ZBTB16: variants seen among roughly 807,000 people sequenced by gnomAD.
ZBTB16 encodes the protein zinc finger and BTB domain-containing protein 16.
A neutral mutation model predicts 56.8 loss-of-function variants in ZBTB16; 8 were observed. That is an observed-to-expected ratio of 0.14 (90% CI 0.08 to 0.25). ZBTB16 has a LOEUF of 0.25. Ranked by LOEUF, ZBTB16 falls within the 10% of genes least tolerant of loss-of-function variation. The pLI is 1.00. For synonymous variants in ZBTB16, 363 were observed against 368.5 expected (o/e 0.98, Z 0.17); for missense variants, 625 against 903.0 (o/e 0.69, Z 3.95).
chr11:114,118,412 A>G (rs1941242978), intron 2 of ZBTB16, among the ~76,000 whole-genome samples: 1 of 152,118 alleles, frequency 6.6e-6, no homozygotes, highest in Admixed American at 6.5e-5. Flanking sequence ...CCTGGCCTCA[A>G]GTGATCTGCT....
chr11:114,065,084 G>T (rs1939062067), intron 2 of ZBTB16, among the ~76,000 whole-genome samples: 1 of 152,208 alleles, frequency 6.6e-6, no homozygotes, highest in Non-Finnish European at 1.5e-5. Context: ...TGCAGGTTCT[G>T]AACCTTATTC....
chr11:114,076,853 T>C (rs1939586136), intron 2 of ZBTB16, among the ~76,000 whole-genome samples: 3 of 151,924 alleles, frequency 2.0e-5, no homozygotes, highest in Admixed American at 2.0e-4. Context: ...CCCGCGCCTT[T>C]CCCCCCTTCA....
intron 2 of ZBTB16, among the ~76,000 whole-genome samples, chr11:114,117,110 A>G (rs1157818922): frequency 6.6e-6 from 1 of 152,166 alleles, no homozygotes; most frequent in Non-Finnish European, 1.5e-5. Context: ...CCAGAGGGAA[A>G]GGCATTCCAG....
At chr11:114,168,998 G>C (rs527618851) in intron 3 of ZBTB16, among the ~76,000 whole-genome samples, 10 of 152,292 alleles carry the variant, frequency 6.6e-5, no homozygotes, top group Admixed American at 2.0e-4. Context: ...CCTTGCAGGA[G>C]GGTCTGTGGG....
At chr11:114,084,520 G>A (rs551865790) in intron 2 of ZBTB16, among the ~76,000 whole-genome samples, 3 of 152,220 alleles carry the variant, frequency 2.0e-5, no homozygotes, top group Non-Finnish European at 2.9e-5. Flanking sequence ...GGAGGAGGAG[G>A]GTTTTTTGAA....
At position 114,224,475 on chromosome 11, in the gene ZBTB16, C is replaced by T. The variant is rs140158481; in HGVS notation, c.1454-17692C>T. Among the ~76,000 whole-genome samples, 1,357 of 152,170 alleles carry T rather than the reference C, an allele frequency of 8.9e-3. 20 individuals are homozygous for T. The highest frequency in any genetic ancestry group is 9.5e-3 in the Non-Finnish European group (647 of 68,004). On this transcript the variant is annotated intron_variant, in intron 4 of 6. Transcript: ENST00000335953. ...TACAGTAGCAGGGTGTGCATGACAT[C>T]CAAAGGTAGGGTGTGCCTAGGAGGC... is the stretch of plus-strand genomic sequence containing the variant.
At chr11:114,148,402 TCCC>T (rs1942177866) in intron 2 of ZBTB16, among the ~76,000 whole-genome samples, 12 of 22,298 alleles carry the variant, frequency 5.4e-4, no homozygotes, top group African/African-American at 3.5e-3. Flanking sequence ...CTTCCCTCCC[TCCC>T]TCCCTCCCTC....
chr11:114,181,079 G>T (rs542532596), intron 3 of ZBTB16: 1 of 151,906 alleles, frequency 6.6e-6, no homozygotes, highest in East Asian at 1.9e-4. Flanking sequence ...ATGTGCACGT[G>T]TGGTACTGTG....
chr11:114,198,077 A>T (rs1943649068), intron 4 of ZBTB16, among the ~76,000 whole-genome samples: 1 of 152,086 alleles, frequency 6.6e-6, no homozygotes, highest in Admixed American at 6.5e-5. Context: ...GGTGGAGGGT[A>T]TCGGGGAGGA....
chr11:114,119,125 A>G (rs1451356634), intron 2 of ZBTB16, among the ~76,000 whole-genome samples: 2 of 151,628 alleles, frequency 1.3e-5, no homozygotes, highest in East Asian at 3.9e-4. Context: ...AATTAGCTGG[A>G]TGTGGTGGTG....
At chr11:114,128,346 G>A (rs1229964463) in intron 2 of ZBTB16, among the ~76,000 whole-genome samples, 3 of 152,190 alleles carry the variant, frequency 2.0e-5, no homozygotes, top group African/African-American at 7.2e-5. Flanking sequence ...GGATACGACA[G>A]CCACCCACTA....
At chr11:114,211,688 C>A (rs1944000812) in intron 4 of ZBTB16, among the ~76,000 whole-genome samples, 1 of 152,206 alleles carries the variant, frequency 6.6e-6, no homozygotes, top group African/African-American at 2.4e-5. Context: ...TCTGCCCTCA[C>A]CTTCTTTGCA....
chr11:114,133,770 A>C (rs1458704320), intron 2 of ZBTB16, among the ~76,000 whole-genome samples: 1 of 152,166 alleles, frequency 6.6e-6, no homozygotes, highest in Non-Finnish European at 1.5e-5. Context: ...GCATTGTGGC[A>C]CAGGTGTTCC....
intron 4 of ZBTB16, among the ~76,000 whole-genome samples, chr11:114,236,704 G>A (rs187941241): frequency 9.3e-4 from 142 of 152,226 alleles, no homozygotes; most frequent in Non-Finnish European, 1.8e-3. Context: ...TCTACCCTTT[G>A]TGATTGTCTT....
At chr11:114,232,399 T>C (rs1474802619) in intron 4 of ZBTB16, among the ~76,000 whole-genome samples, 1 of 152,162 alleles carries the variant, frequency 6.6e-6, no homozygotes, top group Admixed American at 6.5e-5. Context: ...GAACAAGCAG[T>C]GTAGAGAAAC....
chr11:114,088,663 T>A (rs1940058122), intron 2 of ZBTB16, among the ~76,000 whole-genome samples: 1 of 152,230 alleles, frequency 6.6e-6, no homozygotes, highest in Non-Finnish European at 1.5e-5. Context: ...CAGGGGTGGC[T>A]GAGCTTTTTG....
At position 114,219,023 on chromosome 11, in the gene ZBTB16, T is replaced by C. The variant is rs559537380; in HGVS notation, c.1454-23144T>C. On this transcript the variant is annotated intron_variant, in intron 4 of 6. Transcript: ENST00000335953. ...AGGCGTAAAGTGAGAGCCGTGTGTG[T>C]GTGTGTGCATGTGCGTGTGCACGCC... Among the ~76,000 whole-genome samples the C allele has an allele frequency of 5.3e-5, 8 of 152,234 alleles. No individual in the cohort carries two copies. The East Asian group carries it at 1.6e-3, about 30-fold the overall frequency.
chr11:114,218,909 C>A (rs1482062883), intron 4 of ZBTB16, among the ~76,000 whole-genome samples: 1 of 152,164 alleles, frequency 6.6e-6, no homozygotes, highest in Admixed American at 6.5e-5. Flanking sequence ...GAGTTTGTTG[C>A]CTGTTGCCAT....
chr11:114,256,745 G>A lies in ZBTB16; in HGVS notation c.*6190G>A, dbSNP rs1044085250. 6.6e-5 allele frequency among the ~76,000 whole-genome samples: 10 copies of A among 152,174 alleles called. No individual in the cohort carries two copies. Among genetic ancestry groups the A allele is most frequent in the Admixed American group, 6.5e-4 (10 of 15,274 alleles). Reference sequence around the variant, plus strand: ...TGCAAGCTCTGCATTGTCATGGACGGAATAAAGGATTTCCACAACACTCAA... The same window carrying A: ...TGCAAGCTCTGCATTGTCATGGACGAAATAAAGGATTTCCACAACACTCAA... On this transcript the variant is annotated 3_prime_UTR_variant, in exon 7 of 7. Coordinates refer to ENST00000335953, the MANE Select transcript of ZBTB16 (RefSeq NM_006006.6).
Sources: gnomAD v4.1 joint callset for allele counts (sites outside exome capture counted in the v4.1 genomes callset) on GRCh38, gnomAD v4.1.1 for gene constraint, MANE v1.5 for transcripts, NCBI Gene and HGNC (gene_info 2026-07-23, HGNC 2026-07-21) for gene names.